Variants in BACH2 observed in about 807,000 individuals in gnomAD.
BACH2 encodes the protein transcription regulator protein BACH2.
BACH2 carries 5 observed loss-of-function variants against 61.8 expected under a neutral mutation model. The observed-to-expected ratio is 0.08, with a 90% confidence interval of 0.04 to 0.17. The LOEUF is 0.17. Among genes scored for constraint, BACH2 ranks in the 10% least tolerant of loss-of-function variants. The pLI, the probability that BACH2 is intolerant of heterozygous loss-of-function variation, is 1.00. For synonymous variants in BACH2, 446 were observed against 440.1 expected, an observed-to-expected ratio of 1.01 and a Z score of -0.17; for missense variants, 824 against 1,091.1, an observed-to-expected ratio of 0.76 and a Z score of 3.45.
At chr6:90,253,157 T>C (rs1023458324) in intron 2 of BACH2, among the ~76,000 whole-genome samples, 2 of 152,116 alleles carry the variant, frequency 1.3e-5, no homozygotes, top group African/African-American at 2.4e-5. Context: ...GGCAGGAGAA[T>C]TGCTTGAGCC....
At chr6:89,967,048 AAG>A (rs1200560759) in intron 6 of BACH2, among the ~76,000 whole-genome samples, 1 of 152,148 alleles carries the variant, frequency 6.6e-6, no homozygotes, top group African/African-American at 2.4e-5. Flanking sequence ...GCAGGGGAGA[AAG>A]AAATTTCTAA....
chr6:89,991,481 A>T (rs1582154140), intron 6 of BACH2, among the ~76,000 whole-genome samples: 1 of 150,672 alleles, frequency 6.6e-6, no homozygotes, highest in East Asian at 1.9e-4. Context: ...ACGCGCATGC[A>T]CACACACACA....
chr6:89,939,012 A>G (rs931831245), intron 7 of BACH2, among the ~76,000 whole-genome samples: 1 of 152,238 alleles, frequency 6.6e-6, no homozygotes, highest in African/African-American at 2.4e-5. Context: ...GTGCTATACA[A>G]GTGTTGGGCA....
At chr6:89,967,145 A>C (rs1775089035) in intron 6 of BACH2, among the ~76,000 whole-genome samples, 2 of 152,194 alleles carry the variant, frequency 1.3e-5, no homozygotes, top group Non-Finnish European at 2.9e-5. Flanking sequence ...AAAAGGAAGT[A>C]AGTCACAGGT....
chr6:90,103,084 T>C (rs778545353), intron 4 of BACH2, among the ~76,000 whole-genome samples: 3 of 140,910 alleles, frequency 2.1e-5, no homozygotes, highest in Non-Finnish European at 4.6e-5. Context: ...GTTCAAAAAC[T>C]GATTTCTAGC....
intron 7 of BACH2, among the ~76,000 whole-genome samples, chr6:89,944,408 C>G (rs1384878376): frequency 6.6e-6 from 1 of 151,878 alleles, no homozygotes; most frequent in Non-Finnish European, 1.5e-5. Context: ...ATTCCAGACA[C>G]TTACAATGTT....
At chr6:90,042,889 T>C (rs1779603989) in intron 5 of BACH2, among the ~76,000 whole-genome samples, 1 of 152,184 alleles carries the variant, frequency 6.6e-6, no homozygotes, top group Non-Finnish European at 1.5e-5. Flanking sequence ...GGGTAGCTCT[T>C]GTAACAGTCT....
At position 89,932,898 on chromosome 6, in the gene BACH2, GTAGAGAAA is replaced by G; in HGVS notation, c.2044-16_2044-9del. ...TTTCTCTTTCTCACACACCTGGACA[GTAGAGAAA>G]AAAAGAGAAGGGTTGATCAAGCCTG... On this transcript the variant is annotated splice_polypyrimidine_tract_variant and intron_variant, in intron 8 of 8. Coordinates refer to ENST00000257749, the MANE Select transcript of BACH2 (RefSeq NM_021813.4). 1.3e-6 allele frequency: 2 copies of G among 1,553,852 alleles called. No individual in the cohort carries two copies. Among genetic ancestry groups the G allele is most frequent in the Non-Finnish European group, 1.7e-6 (2 of 1,146,516 alleles).
At chr6:90,213,062 G>T (rs1769411696) in intron 3 of BACH2, among the ~76,000 whole-genome samples, 1 of 152,202 alleles carries the variant, frequency 6.6e-6, no homozygotes, top group Non-Finnish European at 1.5e-5. Flanking sequence ...CCCCCAAGAG[G>T]TTACTTGGCC....
intron 4 of BACH2, among the ~76,000 whole-genome samples, chr6:90,171,117 A>C (rs918527929): frequency 3.3e-5 from 5 of 152,246 alleles, no homozygotes; most frequent in African/African-American, 1.2e-4. Flanking sequence ...TCCTCAAAAA[A>C]TACAAAGCCC....
chr6:90,183,840 A>G (rs1768253386), intron 4 of BACH2, among the ~76,000 whole-genome samples: 1 of 152,228 alleles, frequency 6.6e-6, no homozygotes, highest in South Asian at 2.1e-4. Context: ...TCAGCCATGA[A>G]GCAATTAGGC....
intron 4 of BACH2, among the ~76,000 whole-genome samples, chr6:90,132,289 C>T (rs1205120258): frequency 6.6e-6 from 1 of 152,186 alleles, no homozygotes; most frequent in Non-Finnish European, 1.5e-5. Flanking sequence ...GAACATTATC[C>T]TTCCAGCATG....
At chr6:90,265,037 C>T (rs958567823) in intron 2 of BACH2, among the ~76,000 whole-genome samples, 3 of 152,166 alleles carry the variant, frequency 2.0e-5, no homozygotes, top group Non-Finnish European at 4.4e-5. Flanking sequence ...CTATTATAGT[C>T]AGGATATATT....
chr6:90,232,392 C>T (rs914312119), intron 3 of BACH2, among the ~76,000 whole-genome samples: 4 of 152,176 alleles, frequency 2.6e-5, no homozygotes, highest in South Asian at 2.1e-4. Context: ...ATTGAAATCA[C>T]CTCTGCAAAT....
chr6:89,959,812 G>T (rs1774638986), intron 6 of BACH2, among the ~76,000 whole-genome samples: 1 of 152,142 alleles, frequency 6.6e-6, no homozygotes, highest in Non-Finnish European at 1.5e-5. Context: ...CTCTTGCTGA[G>T]GCTGGGAGTT....
At chr6:90,132,837 C>A (rs1784122656) in intron 4 of BACH2, among the ~76,000 whole-genome samples, 1 of 152,156 alleles carries the variant, frequency 6.6e-6, no homozygotes, top group Non-Finnish European at 1.5e-5. Context: ...CTGGCTGAAC[C>A]ACTTCTTGAG....
intron 4 of BACH2, among the ~76,000 whole-genome samples, chr6:90,121,527 T>C (rs1401543687): frequency 6.6e-6 from 1 of 152,176 alleles, no homozygotes; most frequent in African/African-American, 2.4e-5. Context: ...AAAAAGCCTT[T>C]GCATTTTATT....
intron 6 of BACH2, among the ~76,000 whole-genome samples, chr6:90,004,242 G>T (rs1252727532): frequency 1.3e-5 from 2 of 152,162 alleles, no homozygotes; most frequent in African/African-American, 4.8e-5. Flanking sequence ...GAATCCTTCT[G>T]GGTCAGCTTT....
intron 7 of BACH2, among the ~76,000 whole-genome samples, chr6:89,947,698 TG>T (rs1444277154): frequency 2.0e-5 from 3 of 151,936 alleles, no homozygotes; most frequent in South Asian, 2.1e-4. Flanking sequence ...CCTGAGTAGC[TG>T]GGACTACAGG....
Sources: allele counts gnomAD v4.1 joint callset (sites outside exome capture counted in the v4.1 genomes callset), GRCh38; gene constraint gnomAD v4.1.1; transcripts MANE v1.5; gene names NCBI Gene and HGNC (gene_info 2026-07-23, HGNC 2026-07-21).